SRCIN1: variants seen among roughly 807,000 people sequenced by gnomAD.
The protein encoded by SRCIN1 is P130Cas-associated protein.
In SRCIN1, 50 loss-of-function variants were observed where a neutral mutation model predicts 116.2. That is an observed-to-expected ratio of 0.43 (90% CI 0.34 to 0.54). The LOEUF (loss-of-function observed/expected upper bound fraction) is 0.54. Among genes scored for constraint, SRCIN1 ranks in the 20% least tolerant of loss-of-function variants. SRCIN1 has a pLI of 0.02. For missense variants in SRCIN1, 1,446 were observed against 1,672.0 expected (o/e 0.86, Z 2.36); for synonymous variants, 736 against 750.0 (o/e 0.98, Z 0.30).
intron 1 of SRCIN1, 35 bp from the exon 2 acceptor site, chr17:38,578,826 G>C (rs1329486230): frequency 1.4e-6 from 2 of 1,452,520 alleles, no homozygotes; most frequent in East Asian, 5.1e-5. Flanking sequence ...CTGGGTCACG[G>C]CGCGCCCGGC....
At chr17:38,569,962 G>A (rs577774966) in intron 2 of SRCIN1, among the ~76,000 whole-genome samples, 6 of 152,204 alleles carry the variant, frequency 3.9e-5, no homozygotes, top group South Asian at 2.1e-4. Context: ...CAGACCCAGC[G>A]GTGATGGACC....
At chr17:38,538,758 G>A (rs1324561869) in intron 18 of SRCIN1, among the ~76,000 whole-genome samples, 1 of 152,174 alleles carries the variant, frequency 6.6e-6, no homozygotes, top group Non-Finnish European at 1.5e-5. Context: ...CACCCACGAG[G>A]TTATGCTCCC....
At chr17:38,545,924 T>C (rs73982826) in intron 17 of SRCIN1, among the ~76,000 whole-genome samples, 5,912 of 152,282 alleles carry the variant, frequency 0.039, 418 homozygotes, top group African/African-American at 0.14. Flanking sequence ...AGAGACAACA[T>C]GTCAGCCTCT....
In SRCIN1 at chr17:38,584,594, G is replaced by A. The variant is rs377219854; in HGVS notation, c.23-5803C>T. Among the ~76,000 whole-genome samples, 11 of 152,202 alleles carry A rather than the reference G, an allele frequency of 7.2e-5. No individual in the cohort carries two copies. The South Asian group carries it at 1.0e-3, about 14-fold the overall frequency. On this transcript the variant is annotated intron_variant, in intron 1 of 18. Transcript: ENST00000617146. The stretch of plus-strand genomic sequence containing the variant: ...GGAAGAGTGACGTTGTCATTTGTCC[G>A]AACAATTCCAAATTCTACGTTTATT...
chr17:38,575,672 A>T (rs1164304510), intron 2 of SRCIN1, among the ~76,000 whole-genome samples: 1 of 152,050 alleles, frequency 6.6e-6, no homozygotes. Flanking sequence ...AGAAATAGGA[A>T]CCGCTGGGCA....
At chr17:38,548,847 A>G in intron 16 of SRCIN1, 138 bp from the exon 17 acceptor site, 3 of 1,314,516 alleles carry the variant, frequency 2.3e-6, no homozygotes, top group Non-Finnish European at 3.0e-6. Context: ...GGTGTCCCTC[A>G]ACAGACAGGG....
chr17:38,606,061 G>GGGGGA (rs1419253242), upstream of SRCIN1: 4 of 149,022 alleles, frequency 2.7e-5, no homozygotes, highest in African/African-American at 4.9e-5. The surrounding 1 kb of genome is among the most constrained non-coding windows in gnomAD (Gnocchi z 5.2). Context: ...CGGCGGGGGC[G>GGGGGA]GGGGAGGGGA....
chr17:38,552,693 C>T lies in SRCIN1; in HGVS notation c.2332+32G>A. On this transcript the variant is annotated intron_variant, in intron 12 of 18. Transcript: ENST00000617146. The surrounding 1 kb of genome is among the most constrained non-coding windows in gnomAD (Gnocchi z 5.3). ...GTATGGCAGACTTCCCCACCCTGAA[C>T]AACGTGCTGCATTCGCAGGCCCCAG... The T allele has an allele frequency of 6.2e-7, 1 of 1,613,204 alleles. No individual in the cohort carries two copies. The highest frequency in any genetic ancestry group is 8.5e-7 in the Non-Finnish European group (1 of 1,179,566).
intron 1 of SRCIN1, among the ~76,000 whole-genome samples, chr17:38,579,581 C>T (rs888136151): frequency 1.3e-5 from 2 of 152,176 alleles, no homozygotes; most frequent in African/African-American, 4.8e-5. Flanking sequence ...GGGGCTTTCC[C>T]CCCACCTCTC....
intron 10 of SRCIN1, chr17:38,559,197 A>C: frequency 3.9e-6 from 1 of 259,068 alleles, no homozygotes; most frequent in Non-Finnish European, 7.4e-6. Context: ...GACTTGGGGG[A>C]AGGGCTCTCG....
chr17:38,564,455 G>A, intron 3 of SRCIN1, 142 bp from the exon 4 acceptor site: 2 of 918,718 alleles, frequency 2.2e-6, no homozygotes, highest in Non-Finnish European at 3.2e-6. Flanking sequence ...ACAGATTACA[G>A]ACTCCTGGCA....
rs1907124021 is a variant in SRCIN1 at position 38,572,229 on chromosome 17, TC to T, written c.325-3999del. On this transcript the variant is annotated intron_variant, in intron 2 of 18. Coordinates refer to ENST00000617146, the MANE Select transcript of SRCIN1 (RefSeq NM_025248.3). The surrounding 1 kb of genome is among the most constrained non-coding windows in gnomAD (Gnocchi z 4.3). ...GAACACGAGTCAGCGTAAACACTCGTCCCCCGGGCTGGGGCTAAGCCACTCG... is the reference window on the plus strand; with the variant it reads ...GAACACGAGTCAGCGTAAACACTCGTCCCCGGGCTGGGGCTAAGCCACTCG... Among the ~76,000 whole-genome samples the T allele has an allele frequency of 6.6e-6, 1 of 151,900 alleles. No homozygotes were observed. The highest frequency in any genetic ancestry group is 2.1e-4 in the South Asian group (1 of 4,824).
chr17:38,581,928 C>T (rs1907846582), intron 1 of SRCIN1, among the ~76,000 whole-genome samples: 2 of 152,202 alleles, frequency 1.3e-5, no homozygotes, highest in Non-Finnish European at 2.9e-5. Flanking sequence ...TCACCACCAG[C>T]CAGAGGTCTG....
In SRCIN1 at chr17:38,562,077, G is replaced by A. The variant is rs1906298478; in HGVS notation, c.1086C>T (p.Ser362=). The change falls in exon 7 of 19, where the codon AGC becomes AGT. Residue 362 remains serine (S), a synonymous_variant. Coordinates refer to ENST00000617146, the MANE Select transcript of SRCIN1 (RefSeq NM_025248.3). This position sits in a 1 kb window ranked among gnomAD's most constrained non-coding sequence, Gnocchi z 4.2. ...GCTCCAGGATGGCGCTGGGGCTGGG[G>A]CTGACGCCCTGGGCGGCCGGGGCGC... ...LGGAPAAQGV[S]PSPSAILERR... 6.8e-7 allele frequency: 1 copy of A among 1,461,602 alleles called. No individual in the cohort carries two copies. The highest frequency in any genetic ancestry group is 9.0e-7 in the Non-Finnish European group (1 of 1,113,974). 90.5% of individuals were successfully genotyped at this position (1,461,602 alleles called of 1,614,324 possible).
At chr17:38,571,499 G>A (rs1354893093) in intron 2 of SRCIN1, among the ~76,000 whole-genome samples, 1 of 152,152 alleles carries the variant, frequency 6.6e-6, no homozygotes, top group Non-Finnish European at 1.5e-5. Context: ...CCCCCAGTTA[G>A]GAGGGCAGAG....
In SRCIN1 at chr17:38,532,770, T is replaced by A. The variant is rs1433497944; in HGVS notation, c.*527A>T. The A allele has an allele frequency of 1.3e-5, 2 of 152,352 alleles. No individual in the cohort carries two copies. The highest frequency in any genetic ancestry group is 2.4e-5 in the African/African-American group (1 of 41,464). The allele number at this position is 152,352 out of a possible 1,614,324, so 9.4% of individuals were successfully genotyped here. On this transcript the variant is annotated 3_prime_UTR_variant, in exon 19 of 19. Coordinates refer to ENST00000617146, the MANE Select transcript of SRCIN1 (RefSeq NM_025248.3). The surrounding 1 kb of genome is among the most constrained non-coding windows in gnomAD (Gnocchi z 4.3). ...GAGTGGGGCATCTCCAAGGCCAGTC[T>A]CCCTAAGCCCCGCTCTCTGGCTTGA... is the stretch of plus-strand genomic sequence containing the variant.
At chr17:38,584,102 C>T (rs1219982649) in intron 1 of SRCIN1, among the ~76,000 whole-genome samples, 1 of 152,144 alleles carries the variant, frequency 6.6e-6, no homozygotes, top group Non-Finnish European at 1.5e-5. Context: ...ATGAGAGACC[C>T]GGGCTGGGGT....
chr17:38,604,333 A>C lies in SRCIN1; in HGVS notation c.22+1351T>G. 1 of 312,208 alleles carries C rather than the reference A, an allele frequency of 3.2e-6. No individual in the cohort carries two copies. The highest frequency in any genetic ancestry group is 6.3e-6 in the Non-Finnish European group (1 of 157,952). The allele number at this position is 312,208 out of a possible 1,614,324, so 19.3% of individuals were successfully genotyped here. ...AGCAGCTCCTCCATCTCCTTTTGAAAGGCTGCTGCCAGAAACCCCCACCCC... is the reference window on the plus strand; with the variant it reads ...AGCAGCTCCTCCATCTCCTTTTGAACGGCTGCTGCCAGAAACCCCCACCCC... On this transcript the variant is annotated intron_variant, in intron 1 of 18. Coordinates refer to ENST00000617146, the MANE Select transcript of SRCIN1 (RefSeq NM_025248.3). The surrounding 1 kb of genome is among the most constrained non-coding windows in gnomAD (Gnocchi z 4.3).
chr17:38,547,183 C>T (rs1905123849), intron 17 of SRCIN1, among the ~76,000 whole-genome samples: 2 of 152,348 alleles, frequency 1.3e-5, no homozygotes, highest in African/African-American at 2.4e-5. Context: ...TCCAAGAGGG[C>T]ATCGTAGGCC....
Sources: gnomAD v4.1 joint callset for allele counts (sites outside exome capture counted in the v4.1 genomes callset) on GRCh38, gnomAD v4.1.1 for gene constraint, Gnocchi (gnomAD v3.1) non-coding constraint, MANE v1.5 for transcripts, NCBI Gene and HGNC (gene_info 2026-07-23, HGNC 2026-07-21) for gene names.